FBXO15: variants seen among roughly 807,000 people sequenced by gnomAD.
The protein encoded by FBXO15 is F-box only protein 15.
FBXO15 carries 30 observed loss-of-function variants against 49.5 expected under a neutral mutation model. That is an observed-to-expected ratio of 0.61 (90% CI 0.45 to 0.82). The LOEUF is 0.82. Ranked by LOEUF, FBXO15 falls within the 40% of genes least tolerant of loss-of-function variation. FBXO15 has a pLI of 0.00. For synonymous variants in FBXO15, 250 were observed against 232.7 expected (o/e 1.07, Z -0.68); for missense variants, 591 against 631.5 (o/e 0.94, Z 0.69).
chr18:74,119,272 A>G lies in FBXO15; in HGVS notation c.1138+4096T>C, dbSNP rs1230397544. On this transcript the variant is annotated intron_variant, in intron 8 of 9. Transcript: ENST00000419743. ...AGAATCCTTTAGCTAAAGAAACAGA[A>G]AGAGCTTTAAGATAACAGGCCCAGA... Among the ~76,000 whole-genome samples the G allele has an allele frequency of 3.9e-5, 6 of 152,168 alleles. No individual in the cohort carries two copies. In the South Asian group the frequency reaches 1.2e-3, roughly 32 times the overall value.
intron 9 of FBXO15, among the ~76,000 whole-genome samples, chr18:74,076,920 C>G (rs1431189581): frequency 6.6e-6 from 1 of 152,188 alleles, no homozygotes; most frequent in Non-Finnish European, 1.5e-5. Flanking sequence ...CTGAGAGATC[C>G]TCTTCCCATC....
chr18:74,118,738 T>C (rs1914348819), intron 8 of FBXO15, among the ~76,000 whole-genome samples: 1 of 152,194 alleles, frequency 6.6e-6, no homozygotes, highest in African/African-American at 2.4e-5. Context: ...TTCCTGATGT[T>C]TGCCTTGTAA....
intron 8 of FBXO15, among the ~76,000 whole-genome samples, chr18:74,119,242 G>A (rs1046847455): frequency 1.3e-5 from 2 of 152,196 alleles, no homozygotes; most frequent in Non-Finnish European, 2.9e-5. Flanking sequence ...TGGCCAATGC[G>A]GCTGAGAATC....
chr18:74,092,121 C>G (rs1913058801), intron 8 of FBXO15, among the ~76,000 whole-genome samples: 1 of 152,090 alleles, frequency 6.6e-6, no homozygotes, highest in Admixed American at 6.6e-5. Flanking sequence ...TTTTGTAGAG[C>G]TGGTCTTTAA....
At chr18:74,126,820 G>A (rs1978289985) in intron 5 of FBXO15, among the ~76,000 whole-genome samples, 1 of 152,216 alleles carries the variant, frequency 6.6e-6, no homozygotes, top group Non-Finnish European at 1.5e-5. Context: ...CAAAGTGGAA[G>A]GGACTGTGAA....
intron 8 of FBXO15, among the ~76,000 whole-genome samples, chr18:74,083,780 T>C (rs1008549454): frequency 6.6e-5 from 10 of 152,208 alleles, no homozygotes; most frequent in African/African-American, 2.2e-4. Context: ...AGAGAAAGGT[T>C]AAGCTCTTCC....
intron 4 of FBXO15, among the ~76,000 whole-genome samples, chr18:74,130,080 C>T (rs1345091140): frequency 6.6e-6 from 1 of 152,170 alleles, no homozygotes; most frequent in African/African-American, 2.4e-5. Flanking sequence ...CTCCCGTATT[C>T]TTTAAATCAT....
At chr18:74,114,738 A>G (rs746506831) in intron 8 of FBXO15, among the ~76,000 whole-genome samples, 4 of 152,208 alleles carry the variant, frequency 2.6e-5, no homozygotes, top group African/African-American at 9.7e-5. Flanking sequence ...AATATGTGCA[A>G]GTCTAGGGAT....
In FBXO15 at chr18:74,090,505, A is replaced by C. The variant is rs574251834; in HGVS notation, c.1139-8454T>G. 2.0e-5 allele frequency among the ~76,000 whole-genome samples: 3 copies of C among 152,248 alleles called. No individual in the cohort carries two copies. In the East Asian group the frequency reaches 5.8e-4, roughly 29 times the overall value. ...CTCCAGTTGTGATGTTATATTGTTA[A>C]TCTGAGATCTTTCTAACTTTTCGAT... is the stretch of plus-strand genomic sequence containing the variant. On this transcript the variant is annotated intron_variant, in intron 8 of 9. Transcript: ENST00000419743.
chr18:74,121,129 A>G (rs1486891749), intron 8 of FBXO15, among the ~76,000 whole-genome samples: 1 of 152,206 alleles, frequency 6.6e-6, no homozygotes, highest in Non-Finnish European at 1.5e-5. Context: ...GAAGAAATGG[A>G]TAACCTAAAT....
chr18:74,125,907 A>G lies in FBXO15; in HGVS notation c.912+68T>C, dbSNP rs73969116. ...AAGGATTTTACATTTGAAGTCATAC[A>G]TAATGGTAAGTAAATGTGGTATTGT... On this transcript the variant is annotated intron_variant, in intron 6 of 9. Coordinates refer to ENST00000419743, the MANE Select transcript of FBXO15 (RefSeq NM_001142958.2). The G allele has an allele frequency of 5.3e-3, 8,394 of 1,582,708 alleles. 290 individuals are homozygous for G. The African/African-American group carries it at 0.088, about 17-fold the overall frequency.
At chr18:74,118,666 A>G (rs558754407) in intron 8 of FBXO15, among the ~76,000 whole-genome samples, 1 of 152,242 alleles carries the variant, frequency 6.6e-6, no homozygotes, top group African/African-American at 2.4e-5. Flanking sequence ...ATTTTTATAG[A>G]ACAGTTGGTA....
At chr18:74,078,694 A>C (rs1219862515) in intron 9 of FBXO15, 1 of 152,172 alleles carries the variant, frequency 6.6e-6, no homozygotes, top group Non-Finnish European at 1.5e-5. Flanking sequence ...CCCTCTCCTA[A>C]ATCAGTCCCT....
chr18:74,105,803 A>G (rs1913731979), intron 8 of FBXO15, among the ~76,000 whole-genome samples: 1 of 152,192 alleles, frequency 6.6e-6, no homozygotes, highest in Non-Finnish European at 1.5e-5. Flanking sequence ...AGAACAATAA[A>G]GCAAGGTATG....
At chr18:74,098,447 T>C (rs1913377926) in intron 8 of FBXO15, 1 of 152,112 alleles carries the variant, frequency 6.6e-6, no homozygotes, top group Admixed American at 6.5e-5. Flanking sequence ...AGGAAATAAA[T>C]GCACTTAGAG....
chr18:74,089,102 T>G (rs1912894872), intron 8 of FBXO15, among the ~76,000 whole-genome samples: 1 of 152,182 alleles, frequency 6.6e-6, no homozygotes, highest in Non-Finnish European at 1.5e-5. Flanking sequence ...CCCACATGCC[T>G]TAGCTATTTA....
intron 8 of FBXO15, among the ~76,000 whole-genome samples, chr18:74,102,823 G>C (rs1254193000): frequency 6.6e-6 from 1 of 152,172 alleles, no homozygotes; most frequent in East Asian, 1.9e-4. Flanking sequence ...GATGGGACTG[G>C]AGACTATTAT....
intron 5 of FBXO15, among the ~76,000 whole-genome samples, chr18:74,128,813 C>T (rs1409258106): frequency 6.6e-6 from 1 of 152,162 alleles, no homozygotes; most frequent in Non-Finnish European, 1.5e-5. Flanking sequence ...CTAAGCATTA[C>T]CCATGTGCTG....
chr18:74,121,721 T>G (rs1233225445), intron 8 of FBXO15, among the ~76,000 whole-genome samples: 1 of 152,090 alleles, frequency 6.6e-6, no homozygotes, highest in African/African-American at 2.4e-5. Context: ...TGACTATAAA[T>G]TATTAAATAA....
Sources: gnomAD v4.1 joint callset for allele counts (sites outside exome capture counted in the v4.1 genomes callset) on GRCh38, gnomAD v4.1.1 for gene constraint, MANE v1.5 for transcripts, NCBI Gene and HGNC (gene_info 2026-07-23, HGNC 2026-07-21) for gene names.